Variants in CYP2C18 observed in about 807,000 individuals in gnomAD.
The protein encoded by CYP2C18 is cytochrome P450 2C18.
In CYP2C18, 38 loss-of-function variants were observed where a neutral mutation model predicts 41.3. The observed-to-expected ratio is 0.92, with a 90% confidence interval of 0.71 to 1.21. The LOEUF (loss-of-function observed/expected upper bound fraction) is 1.21, where lower values mean the gene tolerates loss of function less well. Ranked by LOEUF, CYP2C18 falls within the 50% of genes most tolerant of loss-of-function variation. CYP2C18 has a pLI of 0.00. For missense variants in CYP2C18, 635 were observed against 591.4 expected (o/e 1.07, Z -0.77); for synonymous variants, 236 against 210.0 (o/e 1.12, Z -1.07).
intron 7 of CYP2C18, among the ~76,000 whole-genome samples, chr10:94,732,213 T>C (rs1847846201): frequency 6.6e-6 from 1 of 151,966 alleles, no homozygotes; most frequent in African/African-American, 2.4e-5. Flanking sequence ...AATAAACATA[T>C]GAAAAAATGT....
chr10:94,712,123 C>G (rs1016764053), intron 5 of CYP2C18, among the ~76,000 whole-genome samples: 7 of 148,484 alleles, frequency 4.7e-5, no homozygotes, highest in Admixed American at 1.4e-4. Context: ...GCTGGGATTA[C>G]AGGCATGAGC....
At chr10:94,710,379 A>G (rs1479751885) in intron 5 of CYP2C18, among the ~76,000 whole-genome samples, 1 of 152,220 alleles carries the variant, frequency 6.6e-6, no homozygotes, top group African/African-American at 2.4e-5. Context: ...AGAGTTCCCC[A>G]TGAATTTTAT....
intron 4 of CYP2C18, among the ~76,000 whole-genome samples, chr10:94,704,185 C>T (rs541994970): frequency 2.0e-5 from 3 of 152,264 alleles, no homozygotes; most frequent in African/African-American, 7.2e-5. Context: ...GGCCATCTTG[C>T]CCCAATCCCA....
At chr10:94,720,007 T>G (rs1423826180) in intron 5 of CYP2C18, among the ~76,000 whole-genome samples, 1 of 152,084 alleles carries the variant, frequency 6.6e-6, no homozygotes, top group Non-Finnish European at 1.5e-5. Flanking sequence ...CCACCACAGA[T>G]GGACTTGTTA....
chr10:94,699,169 A>G (rs2134184423), intron 4 of CYP2C18, among the ~76,000 whole-genome samples: 1 of 152,322 alleles, frequency 6.6e-6, no homozygotes, highest in East Asian at 1.9e-4. Context: ...TGGCAGAGAC[A>G]CAACAAAAAA....
At chr10:94,706,981 C>G (rs374910213) in intron 5 of CYP2C18, 21 bp downstream of exon 5, 9 of 1,595,272 alleles carry the variant, frequency 5.6e-6, no homozygotes, top group African/African-American at 2.7e-5. Context: ...ATTTGTTTGC[C>G]TGCATCTTGT....
chr10:94,699,502 G>T (rs996390334), intron 4 of CYP2C18, among the ~76,000 whole-genome samples: 34 of 152,158 alleles, frequency 2.2e-4, no homozygotes, highest in African/African-American at 8.2e-4. Context: ...AGCTATCTAT[G>T]ACAAACCCAA....
intron 6 of CYP2C18, among the ~76,000 whole-genome samples, chr10:94,721,736 G>A (rs2134203370): frequency 6.6e-6 from 1 of 152,170 alleles, no homozygotes; most frequent in South Asian, 2.1e-4. Flanking sequence ...TTGAGCATTT[G>A]CACTTAGGAT....
At chr10:94,716,204 T>C (rs1376717462) in intron 5 of CYP2C18, among the ~76,000 whole-genome samples, 1 of 152,202 alleles carries the variant, frequency 6.6e-6, no homozygotes, top group Non-Finnish European at 1.5e-5. Context: ...CTGATCTTAG[T>C]TATTTCTTGC....
intron 3 of CYP2C18, 56 bp from the exon 4 acceptor site, chr10:94,694,861 C>CA: frequency 3.2e-6 from 5 of 1,550,622 alleles, no homozygotes; most frequent in Non-Finnish European, 4.4e-6. Flanking sequence ...GTATCAAAGA[C>CA]AAAGTATTTT....
chr10:94,684,047 A>G (rs1326253343), intron 1 of CYP2C18, 60 bp downstream of exon 1: 1 of 1,240,318 alleles, frequency 8.1e-7, no homozygotes, highest in Non-Finnish European at 1.1e-6. Flanking sequence ...CACAATTCTT[A>G]AAGTTTTATT....
chr10:94,692,498 G>A (rs61886196), intron 3 of CYP2C18, among the ~76,000 whole-genome samples: 10 of 152,078 alleles, frequency 6.6e-5, no homozygotes, highest in Non-Finnish European at 1.0e-4. Flanking sequence ...TTAGAATGGC[G>A]ATCATTAAAA....
In CYP2C18 at chr10:94,728,507, G is replaced by T. The variant is rs1039657428; in HGVS notation, c.1149+3974G>T. 2.6e-5 allele frequency: 7 copies of T among 271,690 alleles called. No individual in the cohort carries two copies. The South Asian group carries it at 8.5e-4, about 33-fold the overall frequency. The allele number at this position is 271,690 out of a possible 1,614,324, so 16.8% of individuals were successfully genotyped here. On this transcript the variant is annotated intron_variant, in intron 7 of 8. Coordinates refer to ENST00000285979, the MANE Select transcript of CYP2C18 (RefSeq NM_000772.3). Reference sequence around the variant, plus strand: ...AATCTATGGTCCTACCTGAATGGCTGCAAAAATGATGATTTTTCTAAATTT... The same window carrying T: ...AATCTATGGTCCTACCTGAATGGCTTCAAAAATGATGATTTTTCTAAATTT...
In CYP2C18 at chr10:94,683,807, A is replaced by G. The variant is rs142036845; in HGVS notation, c.-13A>G. ...AAAGCCCGCAGTTGTCTTACTAAGA[A>G]GAGAAGCCTTCAATGGATCCAGCTG... On this transcript the variant is annotated 5_prime_UTR_variant, in exon 1 of 9. Coordinates refer to ENST00000285979, the MANE Select transcript of CYP2C18 (RefSeq NM_000772.3). The G allele has an allele frequency of 6.2e-4, 979 of 1,576,664 alleles. 6 individuals are homozygous for G. The African/African-American group carries it at 0.012, about 19-fold the overall frequency.
intron 3 of CYP2C18, among the ~76,000 whole-genome samples, chr10:94,693,844 A>G (rs574851557): frequency 3.3e-5 from 5 of 152,338 alleles, no homozygotes; most frequent in African/African-American, 1.2e-4. Flanking sequence ...TGATTTGATT[A>G]TAACAATTTT....
chr10:94,687,580 T>C (rs1169294583), intron 1 of CYP2C18, among the ~76,000 whole-genome samples, 190 bp from the exon 2 acceptor site: 4 of 152,236 alleles, frequency 2.6e-5, no homozygotes, highest in Admixed American at 6.5e-5. Context: ...GCTTGGCACA[T>C]TGAAGGCACT....
At chr10:94,694,819 T>C in intron 3 of CYP2C18, 98 bp from the exon 4 acceptor site, 4 of 1,314,656 alleles carry the variant, frequency 3.0e-6, no homozygotes, top group Non-Finnish European at 4.2e-6. Flanking sequence ...TAGGTAGGTA[T>C]TGGTTTAGAG....
chr10:94,734,707 T>C (rs1056393397), intron 8 of CYP2C18, among the ~76,000 whole-genome samples: 1 of 151,724 alleles, frequency 6.6e-6, no homozygotes, highest in Non-Finnish European at 1.5e-5. Context: ...ATGGAAGGAG[T>C]GATATAGAAC....
chr10:94,700,922 C>G (rs1467241948), intron 4 of CYP2C18, among the ~76,000 whole-genome samples: 1 of 152,170 alleles, frequency 6.6e-6, no homozygotes, highest in East Asian at 1.9e-4. Context: ...CAATGAGATA[C>G]CATCTCACAC....
Sources: allele counts gnomAD v4.1 joint callset (sites outside exome capture counted in the v4.1 genomes callset), GRCh38; gene constraint gnomAD v4.1.1; transcripts MANE v1.5; gene names NCBI Gene and HGNC (gene_info 2026-07-23, HGNC 2026-07-21).